The following STRN3 variants were observed in gnomAD, a reference collection of about 807,000 sequenced individuals.
STRN3 encodes the protein striatin 3.
In STRN3, 29 loss-of-function variants were observed where a neutral mutation model predicts 95.6. That is an observed-to-expected ratio of 0.30 (90% confidence interval 0.23 to 0.41). The LOEUF (loss-of-function observed/expected upper bound fraction) is 0.41. Ranked by LOEUF, STRN3 falls within the 10% of genes least tolerant of loss-of-function variation. The probability of loss-of-function intolerance (pLI) is 1.00; values close to 1 mark genes in which losing one functional copy is unlikely to be tolerated. For missense variants in STRN3, 890 were observed against 972.1 expected (o/e 0.92, Z 1.12); for synonymous variants, 331 against 357.6 (o/e 0.93, Z 0.84).
intron 1 of STRN3, 54 bp downstream of exon 1, chr14:31,025,850 C>CGGGA: frequency 6.4e-7 from 1 of 1,561,936 alleles, no homozygotes; most frequent in South Asian, 1.2e-5. Context: ...AGCCCCACCC[C>CGGGA]CCGGCCGGGA....
chr14:30,950,961 A>T lies in STRN3; in HGVS notation c.461-17T>A. The T allele has an allele frequency of 6.2e-7, 1 of 1,604,450 alleles. No homozygotes were observed. The highest frequency in any genetic ancestry group is 8.5e-7 in the Non-Finnish European group (1 of 1,176,934). ...TGGTTTCTTCTAAAAATTAAGAAAA[A>T]AAAAGTTTTACATACTTTATTTCGA... On this transcript the variant is annotated splice_polypyrimidine_tract_variant and intron_variant, in intron 3 of 17. Transcript: ENST00000357479.
At chr14:31,018,647 G>A in intron 1 of STRN3, 1 of 476,392 alleles carries the variant, frequency 2.1e-6, no homozygotes, top group Admixed American at 2.4e-5. Flanking sequence ...GAACTTTGCG[G>A]ACAAAACTGG....
intron 1 of STRN3, among the ~76,000 whole-genome samples, chr14:30,987,741 ATT>A (rs201844143): frequency 2.1e-5 from 3 of 145,350 alleles, no homozygotes; most frequent in Non-Finnish European, 3.0e-5. Context: ...GTTGAATATA[ATT>A]TTTTTTTTTT....
At chr14:30,934,365 A>G (rs1226610298) in intron 7 of STRN3, among the ~76,000 whole-genome samples, 4 of 152,126 alleles carry the variant, frequency 2.6e-5, no homozygotes, top group African/African-American at 9.7e-5. Context: ...ACCTTCTCCA[A>G]TATAGCTCAG....
chr14:30,955,624 C>G lies in STRN3; in HGVS notation c.456G>C (p.Glu152Asp), dbSNP rs1240483802. ...NQGDLKMPTF[E>D]SEETKDTEAP... is the part of the protein sequence containing the mutation. Reference sequence around the variant, plus strand: ...TAACAGAAGAAGCAAGTTTACCTGACTCAAAGGTTGGCATTTTCAAGTCAC... The same window carrying G: ...TAACAGAAGAAGCAAGTTTACCTGAGTCAAAGGTTGGCATTTTCAAGTCAC... Residue 152 changes from glutamate (E) to aspartate (D), a missense_variant, in exon 3 of 18, where the codon GAG (glutamate) becomes GAC (aspartate). Around this residue, in one of 3 missense-constraint regions of STRN3, gnomAD observed 526 missense variants for 526.3 expected, o/e 1.00. Coordinates refer to ENST00000357479, the MANE Select transcript of STRN3 (RefSeq NM_001083893.2). 1 of 1,570,586 alleles carries G rather than the reference C, an allele frequency of 6.4e-7. No homozygotes were observed.
intron 1 of STRN3, among the ~76,000 whole-genome samples, chr14:30,975,601 A>G (rs1881061105): frequency 1.3e-5 from 2 of 151,874 alleles, no homozygotes; most frequent in Non-Finnish European, 2.9e-5. Context: ...AAAAGAAAAG[A>G]AAAAAGAAAA....
intron 1 of STRN3, among the ~76,000 whole-genome samples, chr14:30,963,227 T>A (rs1172539287): frequency 6.6e-6 from 1 of 152,040 alleles, no homozygotes; most frequent in Non-Finnish European, 1.5e-5. Flanking sequence ...CCACTCTAAA[T>A]AATGGATAGA....
intron 5 of STRN3, among the ~76,000 whole-genome samples, chr14:30,944,907 C>A (rs1879285647): frequency 1.3e-5 from 2 of 151,920 alleles, no homozygotes; most frequent in South Asian, 4.1e-4. Flanking sequence ...GCTACTGTGC[C>A]CAGTCGACCA....
At chr14:30,935,582 TC>T in intron 6 of STRN3, among the ~76,000 whole-genome samples, 1 of 152,212 alleles carries the variant, frequency 6.6e-6, no homozygotes, top group Non-Finnish European at 1.5e-5. Flanking sequence ...TCACAGTTAG[TC>T]CTCCATTAAA....
chr14:30,947,304 C>T, intron 4 of STRN3, 41 bp from the exon 5 acceptor site: 1 of 1,457,598 alleles, frequency 6.9e-7, no homozygotes, highest in Non-Finnish European at 9.2e-7. Context: ...ATACTGTTAA[C>T]ATGTGCCAGA....
intron 3 of STRN3, among the ~76,000 whole-genome samples, chr14:30,951,147 TC>T (rs1339434216): frequency 6.6e-6 from 1 of 152,134 alleles, no homozygotes; most frequent in Non-Finnish European, 1.5e-5. Flanking sequence ...AAGTACTATG[TC>T]CCCCATTTTA....
intron 4 of STRN3, among the ~76,000 whole-genome samples, chr14:30,950,018 T>G (rs1331642793): frequency 6.6e-6 from 1 of 150,916 alleles, no homozygotes; most frequent in Non-Finnish European, 1.5e-5. Flanking sequence ...AAATGACTGG[T>G]GAGGAAGTGG....
chr14:30,945,221 T>C (rs1448381344), intron 5 of STRN3, among the ~76,000 whole-genome samples: 1 of 151,956 alleles, frequency 6.6e-6, no homozygotes. Context: ...GGTGGGGAGG[T>C]AAAACAGTGC....
At chr14:30,964,323 T>C (rs989215781) in intron 1 of STRN3, 13 of 152,234 alleles carry the variant, frequency 8.5e-5, no homozygotes, top group African/African-American at 3.1e-4. Context: ...TTGTTGCTCT[T>C]GAGAGATTCT....
intron 1 of STRN3, among the ~76,000 whole-genome samples, chr14:30,968,036 C>G (rs565912555): frequency 2.0e-5 from 3 of 152,228 alleles, no homozygotes; most frequent in East Asian, 3.9e-4. Flanking sequence ...TTGCACTCAG[C>G]CAAGCCTTAA....
At chr14:30,936,468 A>C (rs760835734) in intron 6 of STRN3, 27 bp downstream of exon 6, 1 of 1,602,956 alleles carries the variant, frequency 6.2e-7, no homozygotes, top group African/African-American at 1.3e-5. Context: ...ATATATAGCT[A>C]ATAAGAATAT....
chr14:30,984,018 T>C (rs1881537925), intron 1 of STRN3, among the ~76,000 whole-genome samples: 1 of 150,020 alleles, frequency 6.7e-6, no homozygotes, highest in African/African-American at 2.4e-5. Flanking sequence ...GGAAGGAGAG[T>C]GGGGATGGTG....
intron 1 of STRN3, among the ~76,000 whole-genome samples, chr14:30,984,287 A>AC (rs1387047405): frequency 1.1e-4 from 16 of 149,472 alleles, no homozygotes; most frequent in African/African-American, 3.4e-4. Flanking sequence ...AAAAAAAAAA[A>AC]AAAAACAGAA....
intron 1 of STRN3, chr14:31,025,000 G>A (rs1432154908): frequency 6.6e-6 from 1 of 152,230 alleles, no homozygotes; most frequent in Admixed American, 6.5e-5. Flanking sequence ...CACATTATGA[G>A]GATCGAGTCA....
Sources: allele counts gnomAD v4.1 joint callset (sites outside exome capture counted in the v4.1 genomes callset), GRCh38; gene constraint gnomAD v4.1.1; regional missense constraint gnomAD v4.1.1; transcripts MANE v1.5; gene names NCBI Gene and HGNC (gene_info 2026-07-23, HGNC 2026-07-21).